POLR2F: variants seen among roughly 807,000 people sequenced by gnomAD.
The protein encoded by POLR2F is RNA polymerase II, I and III subunit F, also known as DNA-directed RNA polymerases I, II, and III subunit RPABC2.
In POLR2F, 12 loss-of-function variants were observed where a neutral mutation model predicts 22.7. The observed-to-expected ratio is 0.53, with a 90% CI of 0.34 to 0.86. The LOEUF (loss-of-function observed/expected upper bound fraction) is 0.86. POLR2F is among the 40% of genes least tolerant of loss of function. The pLI, the probability that POLR2F is intolerant of heterozygous loss-of-function variation, is 0.02. For synonymous variants in POLR2F, 57 were observed against 66.0 expected, an observed-to-expected ratio of 0.86 and a Z score of 0.66; for missense variants, 126 against 171.5, an observed-to-expected ratio of 0.73 and a Z score of 1.48.
chr22:37,989,778 A>G (rs573645291), intron 1 of POLR2F, among the ~76,000 whole-genome samples: 4 of 152,258 alleles, frequency 2.6e-5, no homozygotes, highest in Admixed American at 6.5e-5. Flanking sequence ...ACTCTGCTCT[A>G]TTGCCCCTAG....
At chr22:38,025,774 G>A in intron 1 of POLR2F, 2 of 1,550,030 alleles carry the variant, frequency 1.3e-6, no homozygotes, top group Admixed American at 1.8e-5. Context: ...AGGATCCAGG[G>A]CACTCAATCT....
downstream of POLR2F, among the ~76,000 whole-genome samples, chr22:37,970,439 T>TAAAA (rs139882): frequency 6.2e-5 from 8 of 128,894 alleles, no homozygotes; most frequent in African/African-American, 8.8e-5. Flanking sequence ...TGTCTCTACT[T>TAAAA]AAAAAAAAAA....
intron 3 of POLR2F, among the ~76,000 whole-genome samples, chr22:37,961,536 T>C (rs192159578): frequency 1.3e-5 from 2 of 152,224 alleles, no homozygotes; most frequent in Non-Finnish European, 2.9e-5. Context: ...ATTCAGGAGA[T>C]AGAGTAGACA....
intron 5 of POLR2F, among the ~76,000 whole-genome samples, chr22:38,037,285 T>C (rs1233990937): frequency 7.3e-6 from 1 of 137,114 alleles, no homozygotes; most frequent in Admixed American, 7.5e-5. Flanking sequence ...TATGTCATGT[T>C]ATTTTTGAGA....
chr22:37,954,456 C>G lies in POLR2F; in HGVS notation c.20+649C>G, dbSNP rs182553270. ...TAGCTGGGATTATGGGCGTGCACCA[C>G]CACGCCTTGCTAATTGCTTGTAGTT... On this transcript the variant is annotated intron_variant, in intron 1 of 4. Coordinates refer to ENST00000442738, the MANE Select transcript of POLR2F (RefSeq NM_021974.5). Among the ~76,000 whole-genome samples the G allele has an allele frequency of 1.9e-4, 29 of 152,294 alleles. No individual in the cohort carries two copies. The East Asian group carries it at 4.4e-3, about 23-fold the overall frequency.
chr22:38,014,508 G>A (rs1242425786), intron 1 of POLR2F, among the ~76,000 whole-genome samples: 1 of 149,644 alleles, frequency 6.7e-6, no homozygotes, highest in African/African-American at 2.5e-5. Context: ...CCACCACCAC[G>A]CCCGGCTAAT....
intron 3 of POLR2F, among the ~76,000 whole-genome samples, chr22:37,963,449 G>A (rs185732102): frequency 1.2e-4 from 18 of 152,224 alleles, no homozygotes; most frequent in Middle Eastern, 3.4e-3. Context: ...GCCACCACAC[G>A]TGGCTAATGT....
chr22:38,024,376 C>T (rs1473234042), intron 1 of POLR2F, among the ~76,000 whole-genome samples: 2 of 152,142 alleles, frequency 1.3e-5, no homozygotes, highest in Admixed American at 6.5e-5. Context: ...TGGGCTATTA[C>T]GAATGATGCT....
intron 3 of POLR2F, among the ~76,000 whole-genome samples, chr22:37,964,111 A>T (rs139875): frequency 0.65 from 93,960 of 144,254 alleles, 29,611 homozygotes; most frequent in East Asian, 0.75. Flanking sequence ...AAAAATAATT[A>T]AAAAAAAAAA....
intron 1 of POLR2F, among the ~76,000 whole-genome samples, chr22:38,021,961 T>C (rs2084963701): frequency 6.7e-6 from 1 of 149,496 alleles, no homozygotes. Flanking sequence ...TGAAACCCCA[T>C]CTCTACTAAA....
At chr22:37,955,203 GTTTT>G (rs77201045) in intron 1 of POLR2F, among the ~76,000 whole-genome samples, 2 of 131,766 alleles carry the variant, frequency 1.5e-5, no homozygotes. Context: ...AGAAATAAGG[GTTTT>G]TTTTTTTTTT....
intron 2 of POLR2F, chr22:37,958,513 A>G (rs1326008975): frequency 5.3e-5 from 8 of 152,092 alleles, no homozygotes; most frequent in Admixed American, 3.9e-4. Flanking sequence ...AATTCTTTAT[A>G]TACCACAGAA....
At chr22:37,958,685 C>T (rs1202269718) in intron 2 of POLR2F, among the ~76,000 whole-genome samples, 2 of 152,172 alleles carry the variant, frequency 1.3e-5, no homozygotes, top group Admixed American at 6.5e-5. Flanking sequence ...AGCCTCATCC[C>T]TGGAGTTTTC....
chr22:38,030,971 G>A (rs568229625), downstream of POLR2F, among the ~76,000 whole-genome samples: 10 of 152,236 alleles, frequency 6.6e-5, no homozygotes, highest in East Asian at 1.7e-3. Flanking sequence ...GGGACAGGAC[G>A]AGGGCTGGAA....
At chr22:38,004,249 G>A (rs2084801038) in intron 1 of POLR2F, among the ~76,000 whole-genome samples, 1 of 152,106 alleles carries the variant, frequency 6.6e-6, no homozygotes. Flanking sequence ...CCACCTCCCT[G>A]AGATCCTGAT....
chr22:38,026,969 G>A (rs1319443344), downstream of POLR2F, among the ~76,000 whole-genome samples: 1 of 152,162 alleles, frequency 6.6e-6, no homozygotes, highest in Admixed American at 6.5e-5. Flanking sequence ...GTGTGTGGGT[G>A]GGTGGATGGA....
intron 1 of POLR2F, among the ~76,000 whole-genome samples, chr22:38,005,370 C>T (rs2084811754): frequency 6.6e-6 from 1 of 152,222 alleles, no homozygotes; most frequent in Non-Finnish European, 1.5e-5. Flanking sequence ...AGTGATCTGC[C>T]CACCTCAGCC....
rs919686511 is a variant in POLR2F, at chr22:38,017,685, T to C, written c.121-8184T>C. 6.6e-6 allele frequency among the ~76,000 whole-genome samples: 1 copy of C among 152,172 alleles called. No homozygotes were observed. Among genetic ancestry groups the C allele is most frequent in the Admixed American group, 6.5e-5 (1 of 15,286 alleles). On this transcript the variant is annotated intron_variant, in intron 1 of 2. Transcript: ENST00000333418. The surrounding 1 kb of genome is among the most constrained non-coding windows in gnomAD (Gnocchi z 4.1). ...GCTGTGGCCTCTCCCTGCAACTTCC[T>C]GTAGGTCTCTCTGTAGCACCAGCCA...
chr22:38,030,074 G>A (rs754630995), downstream of POLR2F, among the ~76,000 whole-genome samples: 17 of 152,330 alleles, frequency 1.1e-4, no homozygotes, highest in Non-Finnish European at 2.5e-4. Flanking sequence ...AAGCGTGGGG[G>A]CAGCAAGGGA....
Sources: gnomAD v4.1 joint callset for allele counts (sites outside exome capture counted in the v4.1 genomes callset) on GRCh38, gnomAD v4.1.1 for gene constraint, Gnocchi (gnomAD v3.1) non-coding constraint, MANE v1.5 for transcripts, NCBI Gene and HGNC (gene_info 2026-07-23, HGNC 2026-07-21) for gene names.